The following ZFYVE26 variants were observed in gnomAD, a reference collection of about 807,000 sequenced individuals.
ZFYVE26 encodes zinc finger FYVE domain-containing protein 26.
ZFYVE26 carries 181 observed loss-of-function variants against 276.5 expected under a neutral mutation model. The observed-to-expected ratio is 0.65, with a 90% CI of 0.58 to 0.74. The LOEUF is 0.74. ZFYVE26 is among the 30% of genes least tolerant of loss of function. The pLI is 0.00. For synonymous variants in ZFYVE26, 1,129 were observed against 1,203.1 expected (o/e 0.94, Z 1.27); for missense variants, 2,821 against 3,097.9 (o/e 0.91, Z 2.12).
chr14:67,761,663 A>C, intron 34 of ZFYVE26, 79 bp from the exon 35 acceptor site: 1 of 1,277,226 alleles, frequency 7.8e-7, no homozygotes, highest in Non-Finnish European at 1.1e-6. Context: ...CTTGCAAAGA[A>C]TATTTAACAA....
At chr14:67,755,922 A>G in intron 36 of ZFYVE26, 26 bp downstream of exon 36, 1 of 1,613,728 alleles carries the variant, frequency 6.2e-7, no homozygotes, top group South Asian at 1.1e-5. Flanking sequence ...CAACAGAGGT[A>G]GAAGGCAGGA....
chr14:67,729,739 C>T (rs1227909521), exon 14 of ZFYVE26: 1 of 509,390 alleles, frequency 2.0e-6, no homozygotes, highest in East Asian at 5.1e-5. Context: ...TTTTAAATAC[C>T]AATTAGCACA....
At chr14:67,792,248 T>C (rs1246495357) in intron 14 of ZFYVE26, among the ~76,000 whole-genome samples, 1 of 152,100 alleles carries the variant, frequency 6.6e-6, no homozygotes, top group Non-Finnish European at 1.5e-5. Context: ...GAAAGAACAA[T>C]TCTGACCTAC....
downstream of ZFYVE26, among the ~76,000 whole-genome samples, chr14:67,744,942 C>T (rs2140172428): frequency 6.6e-6 from 1 of 152,228 alleles, no homozygotes; most frequent in African/African-American, 2.4e-5. Flanking sequence ...AATGAGATTG[C>T]TGGGTCAAAT....
At position 67,748,547 on chromosome 14, in the gene ZFYVE26, C is replaced by T; in HGVS notation, c.7509G>A (p.Gln2503=). 6.2e-7 allele frequency: 1 copy of T among 1,614,184 alleles called. No homozygotes were observed. Among genetic ancestry groups the T allele is most frequent in the Non-Finnish European group, 8.5e-7 (1 of 1,180,028 alleles). The change falls in exon 42 of 42, where the codon CAG becomes CAA. Residue 2503 remains glutamine, a synonymous_variant. Coordinates refer to ENST00000347230, the MANE Select transcript of ZFYVE26 (RefSeq NM_015346.4). ...CGCTGCTCTTGGCGGCCTGCTGCAC[C>T]TGCTGGACAAGGGCTGTGGCCCGTG... ...EHSRATALVQ[Q]VQQAAKSSGD...
chr14:67,751,841 G>A (rs1042327308), intron 40 of ZFYVE26, among the ~76,000 whole-genome samples: 2 of 151,124 alleles, frequency 1.3e-5, no homozygotes, highest in African/African-American at 4.9e-5. Context: ...CAGCCTGGGC[G>A]ACAGCGCGAG....
intron 16 of ZFYVE26, among the ~76,000 whole-genome samples, chr14:67,788,344 C>T (rs1004632958): frequency 6.6e-6 from 1 of 152,124 alleles, no homozygotes; most frequent in African/African-American, 2.4e-5. Context: ...AGCAGTGAGC[C>T]GAGACTGTGC....
intron 12 of ZFYVE26, 177 bp downstream of exon 12, chr14:67,797,495 G>C (rs1394971737): frequency 1.1e-5 from 8 of 708,536 alleles, no homozygotes; most frequent in African/African-American, 1.8e-5. Flanking sequence ...ATATTGCATG[G>C]AAAATTTCTG....
At chr14:67,758,688 T>A (rs1037074599) in intron 35 of ZFYVE26, among the ~76,000 whole-genome samples, 2 of 151,978 alleles carry the variant, frequency 1.3e-5, no homozygotes, top group African/African-American at 4.8e-5. Flanking sequence ...CAGGCTGGAG[T>A]GCAGTGGCGC....
At chr14:67,751,464 CAA>C in intron 40 of ZFYVE26, 1 of 341,258 alleles carries the variant, frequency 2.9e-6, no homozygotes, top group South Asian at 2.6e-5. Context: ...CACTATAGTC[CAA>C]AACTCCTGGG....
Position 67,781,406 on chromosome 14 carries a change from G to T in ZFYVE26, c.4496C>A (p.Ser1499Ter), listed in dbSNP as rs761108304. The change falls in exon 22 of 42, where the codon TCA becomes TAA. Residue 1499 changes from serine (S) to a stop codon, truncating the protein, a stop_gained. Transcript: ENST00000347230. LOFTEE classifies it high-confidence loss of function. ...TAGTCCTTCTTGGACAGCCGTGTCTGAAATGCAGTAGGCCAGAATCTCCAG... is the reference window on the plus strand; with the variant it reads ...TAGTCCTTCTTGGACAGCCGTGTCTTAAATGCAGTAGGCCAGAATCTCCAG... ...SCLEILAYCI[S>*]DTAVQEGLKC... The T allele has an allele frequency of 6.2e-7, 1 of 1,614,196 alleles. No homozygotes were observed.
intron 16 of ZFYVE26, 86 bp from the exon 17 acceptor site, chr14:67,786,319 T>A: frequency 6.8e-7 from 1 of 1,477,304 alleles, no homozygotes; most frequent in Non-Finnish European, 9.1e-7. Flanking sequence ...TATTTACCTG[T>A]GAAATTTTAT....
downstream of ZFYVE26, among the ~76,000 whole-genome samples, chr14:67,744,610 G>C (rs145346948): frequency 3.0e-4 from 46 of 152,168 alleles, no homozygotes; most frequent in Non-Finnish European, 5.1e-4. Flanking sequence ...TCCCCTCCCT[G>C]TCTCCATGTG....
rs1308302728 is a variant in ZFYVE26, at chr14:67,783,501, C to T, written c.3651G>A (p.Glu1217=). The change falls in exon 21 of 42, where the codon GAG becomes GAA. Residue 1217 remains glutamate, a synonymous_variant. Coordinates refer to ENST00000347230, the MANE Select transcript of ZFYVE26 (RefSeq NM_015346.4). ...PERLAALLAQ[E]NLSLSVPQVI... is the part of the protein sequence containing the mutation. ...CCTGTGGCACACTTAGGCTGAGATT[C>T]TCTTGGGCCAGAAGGGCTGCCAGTC... The T allele has an allele frequency of 1.9e-6, 3 of 1,613,554 alleles. No individual in the cohort carries two copies. The highest frequency in any genetic ancestry group is 2.5e-6 in the Non-Finnish European group (3 of 1,180,034).
At chr14:67,784,759 T>C (rs928174823) in intron 19 of ZFYVE26, among the ~76,000 whole-genome samples, 3 of 152,004 alleles carry the variant, frequency 2.0e-5, no homozygotes, top group Non-Finnish European at 4.4e-5. Flanking sequence ...CTGGTACTCA[T>C]ATCAGAGACT....
At chr14:67,811,249 T>C (rs966469261) in intron 3 of ZFYVE26, among the ~76,000 whole-genome samples, 1 of 152,192 alleles carries the variant, frequency 6.6e-6, no homozygotes, top group African/African-American at 2.4e-5. Context: ...TTATACTTAT[T>C]TTACTGCTGA....
At chr14:67,751,903 T>C (rs1411373366) in intron 40 of ZFYVE26, among the ~76,000 whole-genome samples, 1 of 151,166 alleles carries the variant, frequency 6.6e-6, no homozygotes, top group Non-Finnish European at 1.5e-5. Context: ...ACCATAACAC[T>C]AAGCTTCAGA....
At chr14:67,734,937 C>A (rs2038334249) in intron 13 of ZFYVE26, among the ~76,000 whole-genome samples, 1 of 152,196 alleles carries the variant, frequency 6.6e-6, no homozygotes, top group South Asian at 2.1e-4. Flanking sequence ...GGAGTGGATA[C>A]TCCTAACTGC....
chr14:67,777,835 G>T, intron 24 of ZFYVE26, 100 bp from the exon 25 acceptor site: 1 of 1,468,854 alleles, frequency 6.8e-7, no homozygotes. Context: ...TACTCATTTT[G>T]GACTAACCCT....
Sources: allele counts gnomAD v4.1 joint callset (sites outside exome capture counted in the v4.1 genomes callset), GRCh38; gene constraint gnomAD v4.1.1; transcripts MANE v1.5; gene names NCBI Gene and HGNC (gene_info 2026-07-23, HGNC 2026-07-21).